The following KY variants were observed in gnomAD, a reference collection of about 807,000 sequenced individuals.
KY encodes kyphoscoliosis peptidase.
KY carries 43 observed loss-of-function variants against 76.1 expected under a neutral mutation model. The ratio of observed to expected loss-of-function variants is 0.57; its 90% CI spans 0.44 to 0.73. The LOEUF (loss-of-function observed/expected upper bound fraction) is 0.73, where lower values mean the gene tolerates loss of function less well. Ranked by LOEUF, KY falls within the 30% of genes least tolerant of loss-of-function variation. The pLI, the probability that KY is intolerant of heterozygous loss-of-function variation, is 0.00. For synonymous variants in KY, 277 were observed against 326.2 expected, an observed-to-expected ratio of 0.85 and a Z score of 1.63; for missense variants, 722 against 828.9, an observed-to-expected ratio of 0.87 and a Z score of 1.58.
chr3:134,643,516 C>G, intron 2 of KY, 138 bp from the exon 3 acceptor site: 4 of 660,280 alleles, frequency 6.1e-6, no homozygotes, highest in Non-Finnish European at 1.1e-5. Context: ...TGTGCACACC[C>G]TCACAGTGTG....
rs1431607225 is a variant in KY, at chr3:134,601,740, C to G, written c.*1839G>C. ...AGACACCCCTTTTGCTCGAGGCCGCCGGCCTGTTGGATGATGGGCACCCTT... is the reference window on the plus strand; with the variant it reads ...AGACACCCCTTTTGCTCGAGGCCGCGGGCCTGTTGGATGATGGGCACCCTT... On this transcript the variant is annotated 3_prime_UTR_variant, in exon 11 of 11. Transcript: ENST00000423778. 6.6e-6 allele frequency among the ~76,000 whole-genome samples: 1 copy of G among 152,198 alleles called. No homozygotes were observed. Among genetic ancestry groups the G allele is most frequent in the Non-Finnish European group, 1.5e-5 (1 of 68,028 alleles).
At chr3:134,623,544 C>G (rs768327715) in intron 6 of KY, among the ~76,000 whole-genome samples, 3 of 151,750 alleles carry the variant, frequency 2.0e-5, no homozygotes, top group Non-Finnish European at 4.4e-5. Context: ...CTCCATGCCC[C>G]CTTGTTCCCC....
chr3:134,610,597 A>G, intron 8 of KY: 1 of 524,320 alleles, frequency 1.9e-6, no homozygotes, highest in South Asian at 2.7e-5. Context: ...TCCTGTTGGT[A>G]CAGACTGGCT....
Position 134,604,048 on chromosome 3 carries a change from T to C in KY, c.1517A>G (p.Glu506Gly). The change falls in exon 11 of 11, where the codon GAG becomes GGG. Residue 506 changes from glutamate (E) to glycine (G), a missense_variant. Glu to Gly is a moderately conservative substitution (Grantham distance 98). Transcript: ENST00000423778. ...CTGGAAGATGTAGCGCCGCTGTGTCTCCTCAGTGATGGGGCCATCATCCCC... is the reference window on the plus strand; with the variant it reads ...CTGGAAGATGTAGCGCCGCTGTGTCCCCTCAGTGATGGGGCCATCATCCCC... ...LHGDDGPITE[E>G]TQRRYIFQLH... 1 of 1,613,970 alleles carries C rather than the reference T, an allele frequency of 6.2e-7. No homozygotes were observed. The highest frequency in any genetic ancestry group is 8.5e-7 in the Non-Finnish European group (1 of 1,179,856).
intron 8 of KY, among the ~76,000 whole-genome samples, chr3:134,612,694 G>T (rs1159551645): frequency 6.6e-6 from 1 of 151,258 alleles, no homozygotes; most frequent in African/African-American, 2.4e-5. Context: ...CCCCTGACAC[G>T]ATGTGAACTG....
At chr3:134,622,934 C>T (rs1202467880) in intron 6 of KY, among the ~76,000 whole-genome samples, 3 of 152,198 alleles carry the variant, frequency 2.0e-5, no homozygotes, top group Non-Finnish European at 4.4e-5. Flanking sequence ...ACCACTGGCC[C>T]AGCACACTGG....
chr3:134,629,761 C>T (rs1577720011), intron 3 of KY, 66 bp from the exon 4 acceptor site: 10 of 912,342 alleles, frequency 1.1e-5, no homozygotes, highest in Middle Eastern at 2.1e-4. Flanking sequence ...TGCCTCATGA[C>T]TGATGATTGA....
chr3:134,636,479 C>G (rs1263823143), intron 3 of KY, among the ~76,000 whole-genome samples: 3 of 152,150 alleles, frequency 2.0e-5, no homozygotes, highest in Non-Finnish European at 4.4e-5. Context: ...TCTTGGGATC[C>G]CAGCCATAAC....
chr3:134,628,137 C>T (rs987997321), intron 4 of KY: 3 of 366,264 alleles, frequency 8.2e-6, no homozygotes, highest in African/African-American at 4.1e-5. Flanking sequence ...GTGTTCCTGC[C>T]CTCTTTTGGA....
intron 8 of KY, among the ~76,000 whole-genome samples, chr3:134,612,751 C>CTGTGTGTG (rs35084772): frequency 0.17 from 21,540 of 125,264 alleles, 2,205 homozygotes; most frequent in Non-Finnish European, 0.2. Flanking sequence ...CACGCCGATG[C>CTGTGTGTG]TGTGTGTGTG....
At chr3:134,606,952 C>A in intron 10 of KY, 10 of 985,332 alleles carry the variant, frequency 1.0e-5, no homozygotes, top group Non-Finnish European at 1.2e-5. Context: ...TTCCCCTCCC[C>A]TCTCTTAACA....
Position 134,643,374 on chromosome 3 carries a change from G to A in KY, c.204C>T (p.Asn68=). The A allele has an allele frequency of 6.2e-7, 1 of 1,613,896 alleles. No homozygotes were observed. Among genetic ancestry groups the A allele is most frequent in the South Asian group, 1.1e-5 (1 of 91,072 alleles). Residue 68 remains asparagine (N), a synonymous_variant, in exon 3 of 11, where the codon AAC becomes AAT. Transcript: ENST00000423778. ...GCTGAGGGTGCTGCTTCTCCACCAA[G>A]TTTTCTATTTAAGGAAGACAGAGAG... The part of the protein sequence containing the change: ...QKLEGNDFHE[N]LVEKQHPQQP...
chr3:134,651,022 T>C lies in KY; in HGVS notation c.-62A>G. ...CACGCTAGGCTGCTTGCGCTGCAAA[T>C]GGCCCCGTGCGCGCAGCTGCCCCAC... is the stretch of plus-strand genomic sequence containing the variant. On this transcript the variant is annotated 5_prime_UTR_variant, in exon 1 of 11. Coordinates refer to ENST00000423778, the MANE Select transcript of KY (RefSeq NM_178554.6). 6.2e-7 allele frequency: 1 copy of C among 1,606,522 alleles called. No individual in the cohort carries two copies.
At chr3:134,609,271 G>A (rs1236769641) in intron 9 of KY, among the ~76,000 whole-genome samples, 1 of 152,168 alleles carries the variant, frequency 6.6e-6, no homozygotes, top group Non-Finnish European at 1.5e-5. Flanking sequence ...GACCTTTTGT[G>A]GCTCTCCAGG....
intron 2 of KY, among the ~76,000 whole-genome samples, chr3:134,644,294 T>A (rs547974149): frequency 6.6e-6 from 1 of 152,268 alleles, no homozygotes; most frequent in South Asian, 2.1e-4. Flanking sequence ...GGACACAGAG[T>A]TGTCCTCAGA....
chr3:134,618,724 T>C (rs2107821949), intron 8 of KY, among the ~76,000 whole-genome samples: 1 of 152,224 alleles, frequency 6.6e-6, no homozygotes, highest in East Asian at 1.9e-4. Context: ...CTGACAAATC[T>C]TTTCAGGTGG....
chr3:134,602,733 G>A lies in KY; in HGVS notation c.*846C>T, dbSNP rs1413070059. ...TGTGAGGGCCTGGAGGGCACTCCAG[G>A]CCTTAGACTGAACTACCTGCCCTGT... On this transcript the variant is annotated 3_prime_UTR_variant, in exon 11 of 11. Transcript: ENST00000423778. Among the ~76,000 whole-genome samples the A allele has an allele frequency of 6.6e-6, 1 of 152,170 alleles. No individual in the cohort carries two copies. Among genetic ancestry groups the A allele is most frequent in the Non-Finnish European group, 1.5e-5 (1 of 68,022 alleles).
intron 8 of KY, among the ~76,000 whole-genome samples, chr3:134,613,638 A>G (rs1376042526): frequency 6.6e-6 from 1 of 152,204 alleles, no homozygotes; most frequent in Non-Finnish European, 1.5e-5. Flanking sequence ...GCTGTGGGGA[A>G]TGCCTGGGGC....
chr3:134,622,665 T>A (rs894036227), intron 6 of KY, among the ~76,000 whole-genome samples: 1 of 152,228 alleles, frequency 6.6e-6, no homozygotes, highest in African/African-American at 2.4e-5. Flanking sequence ...TTAAAAATTA[T>A]TAAAATGGCA....
Sources: allele counts gnomAD v4.1 joint callset (sites outside exome capture counted in the v4.1 genomes callset), GRCh38; gene constraint gnomAD v4.1.1; transcripts MANE v1.5; gene names NCBI Gene and HGNC (gene_info 2026-07-23, HGNC 2026-07-21).